The following ADAM12 variants were observed in gnomAD, a reference collection of about 807,000 sequenced individuals.
ADAM12 encodes the protein ADAM metallopeptidase domain 12.
In ADAM12, 70 loss-of-function variants were observed where a neutral mutation model predicts 106.4. That is an observed-to-expected ratio of 0.66 (90% CI 0.54 to 0.80). ADAM12 has a LOEUF of 0.80. Ranked by LOEUF, ADAM12 falls within the 30% of genes least tolerant of loss-of-function variation. The pLI is 0.00. For synonymous variants in ADAM12, 420 were observed against 433.5 expected, an observed-to-expected ratio of 0.97 and a Z score of 0.39; for missense variants, 1,010 against 1,171.9, an observed-to-expected ratio of 0.86 and a Z score of 2.02.
chr10:126,149,958 G>A (rs964098430), intron 4 of ADAM12, among the ~76,000 whole-genome samples: 4 of 152,118 alleles, frequency 2.6e-5, no homozygotes, highest in Non-Finnish European at 4.4e-5. Flanking sequence ...TATTAGTTCT[G>A]TCCTTCAAGA....
chr10:126,220,905 A>T lies in ADAM12; in HGVS notation c.260+58010T>A, dbSNP rs148949570. 4.5e-3 allele frequency among the ~76,000 whole-genome samples: 683 copies of T among 152,334 alleles called. 6 individuals carry two copies. Among genetic ancestry groups the T allele is most frequent in the African/African-American group, 0.015 (641 of 41,576 alleles). The stretch of plus-strand genomic sequence containing the variant: ...GGGATCAGTGCCTTGGGGCAGGGAA[A>T]CCCGCATCTCCAGCAGGCCACATGG... On this transcript the variant is annotated intron_variant, in intron 3 of 22. Coordinates refer to ENST00000448723, the MANE Select transcript of ADAM12 (RefSeq NM_001288973.2).
chr10:126,159,878 A>G (rs1239217343), intron 3 of ADAM12, among the ~76,000 whole-genome samples: 1 of 152,250 alleles, frequency 6.6e-6, no homozygotes, highest in Admixed American at 6.5e-5. Flanking sequence ...ATACAACCAC[A>G]GTCATGCTTG....
intron 1 of ADAM12, among the ~76,000 whole-genome samples, chr10:126,360,268 C>A (rs748000325): frequency 3.9e-5 from 6 of 152,196 alleles, no homozygotes; most frequent in Non-Finnish European, 7.3e-5. Flanking sequence ...TAACATTTGG[C>A]TCCTCATTAC....
chr10:126,032,664 G>A (rs574867833), intron 21 of ADAM12, among the ~76,000 whole-genome samples: 2 of 152,270 alleles, frequency 1.3e-5, no homozygotes, highest in African/African-American at 4.8e-5. Context: ...CATGGGAAAG[G>A]AGCTTCTCTG....
intron 11 of ADAM12, among the ~76,000 whole-genome samples, chr10:126,088,231 C>T (rs1444978184): frequency 2.0e-5 from 3 of 152,092 alleles, no homozygotes; most frequent in Non-Finnish European, 4.4e-5. Context: ...TGTTTCTGTG[C>T]CTGCTCCGAA....
intron 3 of ADAM12, among the ~76,000 whole-genome samples, chr10:126,168,971 T>G (rs1376042130): frequency 6.6e-6 from 1 of 152,072 alleles, no homozygotes; most frequent in African/African-American, 2.4e-5. Flanking sequence ...GAGATTTGTG[T>G]GAATCCGAGA....
At chr10:126,356,668 T>G (rs1313299839) in intron 1 of ADAM12, among the ~76,000 whole-genome samples, 1 of 152,180 alleles carries the variant, frequency 6.6e-6, no homozygotes, top group Non-Finnish European at 1.5e-5. Flanking sequence ...TATAAAGTGA[T>G]AAAGAATTCA....
intron 1 of ADAM12, among the ~76,000 whole-genome samples, chr10:126,376,977 T>C (rs1280313679): frequency 2.0e-5 from 3 of 151,864 alleles, no homozygotes; most frequent in South Asian, 2.1e-4. Flanking sequence ...CAAGGGAAAA[T>C]GGGGAAAGAA....
chr10:126,203,500 G>T (rs1957738346), intron 3 of ADAM12, among the ~76,000 whole-genome samples: 1 of 152,118 alleles, frequency 6.6e-6, no homozygotes, highest in Admixed American at 6.6e-5. Flanking sequence ...CGTTCTTTTT[G>T]AATAAATATA....
At chr10:126,139,187 A>G (rs1305800236) in intron 4 of ADAM12, among the ~76,000 whole-genome samples, 3 of 152,178 alleles carry the variant, frequency 2.0e-5, no homozygotes, top group African/African-American at 7.2e-5. Context: ...TTCATAATAA[A>G]CCGCTTGCCT....
chr10:126,168,511 A>G (rs1331903657), intron 3 of ADAM12, among the ~76,000 whole-genome samples: 5 of 152,094 alleles, frequency 3.3e-5, no homozygotes, highest in African/African-American at 4.8e-5. Context: ...AATGGAAGCA[A>G]TTATTATTAT....
intron 1 of ADAM12, among the ~76,000 whole-genome samples, chr10:126,351,291 T>C (rs1410429109): frequency 4.6e-5 from 7 of 150,952 alleles, no homozygotes; most frequent in Non-Finnish European, 1.0e-4. Flanking sequence ...TGGTTGTGAC[T>C]GGCTTCTGGG....
Position 126,101,162 on chromosome 10 carries a change from T to G in ADAM12, c.821A>C (p.Gln274Pro). The change falls in exon 9 of 23, where the codon CAG becomes CCG. Residue 274 changes from glutamine (Q) to proline (P), a missense_variant. By Grantham distance (76) the Gln-to-Pro change is moderately conservative. Coordinates refer to ENST00000448723, the MANE Select transcript of ADAM12 (RefSeq NM_001288973.2). ...TTCATGGAGGCTGGTGAATGGGTCC[T>G]GACTTACAGAGCATTTGTCCATGTC... is the stretch of plus-strand genomic sequence containing the variant. ...WNDMDKCSVS[Q>P]DPFTSLHEFL... 1 of 1,614,162 alleles carries G rather than the reference T, an allele frequency of 6.2e-7. No homozygotes were observed. The highest frequency in any genetic ancestry group is 8.5e-7 in the Non-Finnish European group (1 of 1,180,022).
intron 21 of ADAM12, among the ~76,000 whole-genome samples, chr10:126,022,378 G>A (rs1014458935): frequency 4.6e-5 from 7 of 152,208 alleles, no homozygotes; most frequent in Non-Finnish European, 1.0e-4. Flanking sequence ...CCATGGCCAG[G>A]ACATGGTTTG....
At chr10:126,039,190 G>A (rs910634814) in intron 19 of ADAM12, 104 bp downstream of exon 19, 55 of 1,373,850 alleles carry the variant, frequency 4.0e-5, no homozygotes, top group East Asian at 2.5e-4. Flanking sequence ...CTCGTGATCC[G>A]CCCGCCTCAG....
intron 10 of ADAM12, among the ~76,000 whole-genome samples, chr10:126,094,404 T>TTATGTTTTA (rs1955519218): frequency 6.6e-6 from 1 of 152,202 alleles, no homozygotes; most frequent in Non-Finnish European, 1.5e-5. Context: ...CATGACATCT[T>TTATGTTTTA]CAAGGCAGGG....
chr10:126,352,221 C>G (rs932886960), intron 1 of ADAM12, among the ~76,000 whole-genome samples: 6 of 152,208 alleles, frequency 3.9e-5, no homozygotes, highest in African/African-American at 1.2e-4. Flanking sequence ...GCTCTCTGCC[C>G]TTTTTCACAA....
chr10:126,182,540 G>A (rs1204972428), intron 3 of ADAM12, among the ~76,000 whole-genome samples: 1 of 152,188 alleles, frequency 6.6e-6, no homozygotes, highest in Admixed American at 6.5e-5. Flanking sequence ...GAAAATAGCA[G>A]ATTCTGCCTT....
intron 18 of ADAM12, chr10:126,041,982 C>T (rs539586144): frequency 1.4e-6 from 2 of 1,430,882 alleles, no homozygotes; most frequent in Admixed American, 2.9e-5. Context: ...GCTGGACTTC[C>T]CCTCCTGAGC....
Sources: gnomAD v4.1 joint callset for allele counts (sites outside exome capture counted in the v4.1 genomes callset) on GRCh38, gnomAD v4.1.1 for gene constraint, MANE v1.5 for transcripts, NCBI Gene and HGNC (gene_info 2026-07-23, HGNC 2026-07-21) for gene names.